Variants in DOCK9 observed in about 807,000 individuals in gnomAD.
The protein encoded by DOCK9 is dedicator of cytokinesis 9.
A neutral mutation model predicts 263.3 loss-of-function variants in DOCK9; 89 were observed. The ratio of observed to expected loss-of-function variants is 0.34; its 90% confidence interval spans 0.28 to 0.40. The LOEUF (loss-of-function observed/expected upper bound fraction) is 0.40, where lower values mean the gene tolerates loss of function less well. Among genes scored for constraint, DOCK9 ranks in the 10% least tolerant of loss-of-function variants. The pLI is 1.00. For missense variants in DOCK9, 2,140 were observed against 2,603.4 expected (o/e 0.82, Z 3.87); for synonymous variants, 976 against 973.1 (o/e 1.00, Z -0.06).
chr13:98,880,199 C>T (rs560971546), intron 26 of DOCK9, among the ~76,000 whole-genome samples: 58 of 152,172 alleles, frequency 3.8e-4, no homozygotes, highest in African/African-American at 1.2e-3. Flanking sequence ...CACCTGTGCT[C>T]AGCGTGGCAC....
chr13:99,010,672 G>C (rs1201884785), intron 1 of DOCK9, among the ~76,000 whole-genome samples: 1 of 152,170 alleles, frequency 6.6e-6, no homozygotes, highest in Admixed American at 6.5e-5. Context: ...CAAAATGTAG[G>C]TGTCTATACT....
upstream of DOCK9, among the ~76,000 whole-genome samples, chr13:99,086,939 G>A (rs996484972): frequency 2.6e-5 from 4 of 152,094 alleles, no homozygotes; most frequent in South Asian, 4.1e-4. Context: ...GCGCACAGCC[G>A]AGGCTGGACG....
intron 1 of DOCK9, among the ~76,000 whole-genome samples, chr13:99,019,608 TCTCTCAAGCCATTTTAGGAC>T (rs1885834242): frequency 1.3e-5 from 2 of 152,118 alleles, no homozygotes; most frequent in South Asian, 2.1e-4. Context: ...TTTTCCCTGC[TCTCTCAAGCCATTTTAGGAC>T]CTCTTGGGAG....
chr13:98,817,532 A>G (rs1180660668), intron 45 of DOCK9, among the ~76,000 whole-genome samples: 15 of 137,512 alleles, frequency 1.1e-4, no homozygotes, highest in Non-Finnish European at 1.9e-4. Context: ...GGTTCACATG[A>G]TCCTCCAGCC....
chr13:98,993,680 G>A (rs1027489693), intron 1 of DOCK9, among the ~76,000 whole-genome samples: 1 of 152,224 alleles, frequency 6.6e-6, no homozygotes, highest in African/African-American at 2.4e-5. Context: ...GGCGGAGCTT[G>A]CAGTAAGCTG....
chr13:98,834,409 A>C (rs143488255), intron 39 of DOCK9: 2 of 152,184 alleles, frequency 1.3e-5, no homozygotes, highest in Non-Finnish European at 2.9e-5. Context: ...CCTAAGCCTC[A>C]TGTGTCTGCC....
At chr13:98,856,076 CAAAAT>C (rs2093700028) in intron 33 of DOCK9, 45 bp from the exon 34 acceptor site, 8 of 1,600,928 alleles carry the variant, frequency 5.0e-6, no homozygotes, top group Non-Finnish European at 5.1e-6. Context: ...TAAGACAGAA[CAAAAT>C]AAAGATGAGT....
In DOCK9 at chr13:98,829,688, G is replaced by C. The variant is rs753551723; in HGVS notation, c.4704C>G (p.Ser1568=). The change falls in exon 42 of 53, where the codon TCC becomes TCG. Residue 1568 remains serine (S), a synonymous_variant. Coordinates refer to ENST00000682017, the MANE Select transcript of DOCK9 (RefSeq NM_001366683.2). The surrounding 1 kb of genome is among the most constrained non-coding windows in gnomAD (Gnocchi z 4.1). ...VGIGGTRFQQ[S]LSIINNCANS... ...TGGCACAGTTGTTGATGATGGACAG[G>C]GACTGCTGGAATCTGGTTCCCCCAA... 1.2e-6 allele frequency: 2 copies of C among 1,610,310 alleles called. No individual in the cohort carries two copies. Among genetic ancestry groups the C allele is most frequent in the Non-Finnish European group, 1.7e-6 (2 of 1,178,342 alleles).
chr13:98,841,793 G>GCAT (rs1019785018), intron 38 of DOCK9, among the ~76,000 whole-genome samples: 1 of 136,070 alleles, frequency 7.3e-6, no homozygotes. Flanking sequence ...AGATTTTTCT[G>GCAT]CATTATTATT....
intron 43 of DOCK9, among the ~76,000 whole-genome samples, chr13:98,827,528 G>C (rs896046179): frequency 7.2e-5 from 11 of 152,252 alleles, no homozygotes; most frequent in African/African-American, 2.7e-4. Context: ...TGTCAGCGGG[G>C]TGAGCGCCAC....
At chr13:99,007,632 C>A (rs977286370) in intron 1 of DOCK9, among the ~76,000 whole-genome samples, 6 of 152,122 alleles carry the variant, frequency 3.9e-5, no homozygotes, top group Non-Finnish European at 7.4e-5. Context: ...CCAGCCCCCA[C>A]AATGGAACAT....
intron 1 of DOCK9, among the ~76,000 whole-genome samples, chr13:98,984,286 G>A (rs1383903540): frequency 6.6e-6 from 1 of 152,204 alleles, no homozygotes; most frequent in Non-Finnish European, 1.5e-5. Context: ...CATCAGGCAT[G>A]AGGTAAACAA....
intron 33 of DOCK9, chr13:98,860,161 C>A: frequency 7.5e-7 from 1 of 1,330,702 alleles, no homozygotes; most frequent in Admixed American, 3.1e-5. Context: ...GAACAAAAAG[C>A]AAACAGCGTG....
intron 18 of DOCK9, among the ~76,000 whole-genome samples, chr13:98,887,143 A>ATTTTTTTTTTT (rs58434344): frequency 9.4e-5 from 9 of 95,288 alleles, no homozygotes; most frequent in Admixed American, 2.2e-4. Flanking sequence ...ATATATATAT[A>ATTTTTTTTTTT]TTTTTTTTTT....
At position 98,797,228 on chromosome 13, in the gene DOCK9, C is replaced by T. The variant is rs776623388; in HGVS notation, c.6043G>A (p.Ala2015Thr). The change falls in exon 52 of 53, where the codon GCC (alanine) becomes ACC (threonine). Residue 2015 changes from alanine (A) to threonine (T), a missense_variant. Around this residue, in one of 2 missense-constraint regions of DOCK9, gnomAD observed 619 missense variants for 861.8 expected, o/e 0.72. Transcript: ENST00000682017. ...FRQFVEACGQALAVNERLIKE... is the reference protein window; with the variant it reads ...FRQFVEACGQTLAVNERLIKE... Reference sequence around the variant, plus strand: ...ATCAGACGTTCGTTTACCGCTAAGGCTTGACCGCAAGCTTCCACAAATTGC... The same window carrying T: ...ATCAGACGTTCGTTTACCGCTAAGGTTTGACCGCAAGCTTCCACAAATTGC... 6 of 1,613,836 alleles carry T rather than the reference C, an allele frequency of 3.7e-6. No homozygotes were observed. Among genetic ancestry groups the T allele is most frequent in the Non-Finnish European group, 4.2e-6 (5 of 1,179,882 alleles).
At chr13:98,889,619 G>A (rs1355806708) in intron 15 of DOCK9, among the ~76,000 whole-genome samples, 1 of 152,156 alleles carries the variant, frequency 6.6e-6, no homozygotes, top group Non-Finnish European at 1.5e-5. Context: ...CAGCGGTTTT[G>A]ACACTAGTCT....
At chr13:98,961,251 A>G (rs2058606926) in intron 1 of DOCK9, among the ~76,000 whole-genome samples, 2 of 152,222 alleles carry the variant, frequency 1.3e-5, no homozygotes, top group South Asian at 4.1e-4. Flanking sequence ...TACCAACAAC[A>G]GAGCCCCCAC....
At chr13:98,850,204 T>A (rs1307375901) in intron 35 of DOCK9, 91 bp from the exon 36 acceptor site, 1 of 932,168 alleles carries the variant, frequency 1.1e-6, no homozygotes, top group African/African-American at 1.7e-5. Flanking sequence ...AACCTTGGAG[T>A]GTAGGCCTCT....
intron 15 of DOCK9, among the ~76,000 whole-genome samples, chr13:98,895,172 G>A (rs2047226251): frequency 6.7e-6 from 1 of 149,628 alleles, no homozygotes; most frequent in South Asian, 2.1e-4. Context: ...TCAAAAAATG[G>A]GGGAAGAGTT....
Sources: allele counts gnomAD v4.1 joint callset (sites outside exome capture counted in the v4.1 genomes callset), GRCh38; gene constraint gnomAD v4.1.1; regional missense constraint gnomAD v4.1.1; non-coding constraint Gnocchi (gnomAD v3.1); transcripts MANE v1.5; gene names NCBI Gene and HGNC (gene_info 2026-07-23, HGNC 2026-07-21).